SNX29: variants seen among roughly 807,000 people sequenced by gnomAD.
The protein encoded by SNX29 is sorting nexin 29.
SNX29 carries 78 observed loss-of-function variants against 102.1 expected under a neutral mutation model. The observed-to-expected ratio is 0.76, with a 90% CI of 0.64 to 0.92. The LOEUF (loss-of-function observed/expected upper bound fraction) is 0.92. Ranked by LOEUF, SNX29 falls within the 40% of genes least tolerant of loss-of-function variation. The pLI is 0.00. For synonymous variants in SNX29, 580 were observed against 414.5 expected (o/e 1.40, Z -4.85); for missense variants, 1,280 against 1,061.7 (o/e 1.21, Z -2.86).
In SNX29 at chr16:12,562,665, G is replaced by A. The variant is rs191824704; in HGVS notation, c.2319-5841G>A. ...TGAGGGGCTGTTTTATGTCGGGAAA[G>A]TCTAGATTTACAGGCACTGCCTTCT... is the stretch of plus-strand genomic sequence containing the variant. On this transcript the variant is annotated intron_variant, in intron 20 of 20. Coordinates refer to ENST00000566228, the MANE Select transcript of SNX29 (RefSeq NM_032167.5). Among the ~76,000 whole-genome samples the A allele has an allele frequency of 1.6e-3, 240 of 152,304 alleles. 4 individuals carry two copies. The highest frequency in any genetic ancestry group is 9.3e-3 in the South Asian group (45 of 4,828).
intron 20 of SNX29, among the ~76,000 whole-genome samples, chr16:12,547,687 C>G (rs984382573): frequency 6.6e-6 from 1 of 152,106 alleles, no homozygotes; most frequent in Non-Finnish European, 1.5e-5. Context: ...AAACCTGGCC[C>G]CCGCGTTCCT....
At chr16:11,995,921 G>A (rs1300709053) in intron 1 of SNX29, among the ~76,000 whole-genome samples, 4 of 152,172 alleles carry the variant, frequency 2.6e-5, no homozygotes, top group African/African-American at 4.8e-5. Flanking sequence ...TTAGCCGGGC[G>A]TGGTGGTGCG....
rs144091396 is a variant in SNX29, at chr16:12,416,872, C to G, written c.2037+13343C>G. Reference sequence around the variant, plus strand: ...TCTGCCCCATGCCCCAGACACCTCCCACTAGGCCCACCTCCAGCTTCAGGG... The same window carrying G: ...TCTGCCCCATGCCCCAGACACCTCCGACTAGGCCCACCTCCAGCTTCAGGG... On this transcript the variant is annotated intron_variant, in intron 18 of 20. Transcript: ENST00000566228. Among the ~76,000 whole-genome samples, 181 of 152,346 alleles carry G rather than the reference C, an allele frequency of 1.2e-3. 1 individual carries two copies. The highest frequency in any genetic ancestry group is 4.2e-3 in the African/African-American group (174 of 41,572).
rs761139832 is a variant in SNX29 at position 12,061,695 on chromosome 16, G to T, written c.1243+49G>T. 6.6e-6 allele frequency: 10 copies of T among 1,507,120 alleles called. No homozygotes were observed. The East Asian group carries it at 2.1e-4, about 32-fold the overall frequency. The allele number at this position is 1,507,120 out of a possible 1,614,324, so 93.4% of individuals were successfully genotyped here. A position where few individuals can be genotyped will look rare whatever the true frequency, so the allele number is the denominator to read the frequency against. On this transcript the variant is annotated intron_variant, in intron 9 of 20. Coordinates refer to ENST00000566228, the MANE Select transcript of SNX29 (RefSeq NM_032167.5). Reference sequence around the variant, plus strand: ...TTCCTCCAATAAGAGCTTTGGCTTCGAGAACCAGCAGGAATGTCTGAGTTC... The same window carrying T: ...TTCCTCCAATAAGAGCTTTGGCTTCTAGAACCAGCAGGAATGTCTGAGTTC...
At chr16:12,294,895 T>TAA (rs547137501) in intron 15 of SNX29, among the ~76,000 whole-genome samples, 5 of 148,780 alleles carry the variant, frequency 3.4e-5, no homozygotes, top group Admixed American at 1.3e-4. Flanking sequence ...GTAATTTATT[T>TAA]AAAAAAAAAA....
At chr16:12,365,358 G>GTGTGTGTGTGTGTA (rs1485263456) in intron 16 of SNX29, among the ~76,000 whole-genome samples, 104 of 150,468 alleles carry the variant, frequency 6.9e-4, no homozygotes, top group East Asian at 6.6e-3. Context: ...GTGTGTGTGT[G>GTGTGTGTGTGTGTA]TGTGTGTTTA....
chr16:12,058,651 G>A (rs554238791), intron 8 of SNX29, among the ~76,000 whole-genome samples: 128 of 150,960 alleles, frequency 8.5e-4, no homozygotes, highest in African/African-American at 2.7e-3. Context: ...CCACCACCAC[G>A]CCCTGCTAAG....
intron 18 of SNX29, among the ~76,000 whole-genome samples, chr16:12,461,396 G>T (rs959283525): frequency 6.6e-6 from 1 of 152,166 alleles, no homozygotes; most frequent in Non-Finnish European, 1.5e-5. Flanking sequence ...GTAGAGGCAC[G>T]TTTGGCTTCC....
At chr16:12,168,229 A>G (rs1047533979) in intron 13 of SNX29, among the ~76,000 whole-genome samples, 1 of 152,186 alleles carries the variant, frequency 6.6e-6, no homozygotes, top group African/African-American at 2.4e-5. Context: ...GCGGGGATCC[A>G]GGCAGTTTCG....
intron 13 of SNX29, among the ~76,000 whole-genome samples, chr16:12,188,965 G>A (rs1180906359): frequency 1.3e-5 from 2 of 152,174 alleles, no homozygotes; most frequent in Admixed American, 1.3e-4. Flanking sequence ...AGCAATAATC[G>A]TTATGATTGT....
At chr16:12,491,824 C>T (rs1405382635) in intron 19 of SNX29, among the ~76,000 whole-genome samples, 3 of 152,140 alleles carry the variant, frequency 2.0e-5, no homozygotes, top group Non-Finnish European at 4.4e-5. Context: ...ATGGTGGTTT[C>T]CAGCTTCATC....
At chr16:12,188,743 C>T (rs1197734109) in intron 13 of SNX29, among the ~76,000 whole-genome samples, 1 of 152,234 alleles carries the variant, frequency 6.6e-6, no homozygotes, top group South Asian at 2.1e-4. Context: ...AAGCTTTTTA[C>T]AGCTCCATTT....
chr16:12,181,908 G>C (rs1008432040), intron 13 of SNX29, among the ~76,000 whole-genome samples: 1 of 151,054 alleles, frequency 6.6e-6, no homozygotes, highest in Non-Finnish European at 1.5e-5. Flanking sequence ...TCTGGAGACG[G>C]AGTCTCACTC....
intron 4 of SNX29, among the ~76,000 whole-genome samples, chr16:12,028,390 G>A (rs1187914325): frequency 6.6e-6 from 1 of 152,086 alleles, no homozygotes; most frequent in South Asian, 2.1e-4. Context: ...TAGAGTTGGG[G>A]TCTTGCTCTG....
intron 14 of SNX29, among the ~76,000 whole-genome samples, chr16:12,232,208 T>G (rs1331034440): frequency 1.3e-5 from 2 of 152,190 alleles, no homozygotes; most frequent in Non-Finnish European, 2.9e-5. Context: ...GATGCATTTG[T>G]AGGCCATGTT....
At chr16:11,982,637 G>A (rs545858208) in intron 1 of SNX29, among the ~76,000 whole-genome samples, 2 of 151,980 alleles carry the variant, frequency 1.3e-5, no homozygotes, top group Non-Finnish European at 2.9e-5. Context: ...CACCATGTTA[G>A]CCAGGACGGT....
chr16:12,189,139 G>T lies in SNX29; in HGVS notation c.1596-10462G>T, dbSNP rs149342952. On this transcript the variant is annotated intron_variant, in intron 13 of 20. Coordinates refer to ENST00000566228, the MANE Select transcript of SNX29 (RefSeq NM_032167.5). Reference sequence around the variant, plus strand: ...TTTTACTTTTTAATTTTTCACCCCTGAGTCTGTTAATGTGTTTCCTACAAG... The same window carrying T: ...TTTTACTTTTTAATTTTTCACCCCTTAGTCTGTTAATGTGTTTCCTACAAG... Among the ~76,000 whole-genome samples, 410 of 152,214 alleles carry T rather than the reference G, an allele frequency of 2.7e-3. 2 individuals carry two copies. Among genetic ancestry groups the T allele is most frequent in the African/African-American group, 9.4e-3 (390 of 41,518 alleles).
chr16:12,414,487 C>G (rs2084542192), intron 18 of SNX29, among the ~76,000 whole-genome samples: 1 of 152,218 alleles, frequency 6.6e-6, no homozygotes, highest in South Asian at 2.1e-4. Flanking sequence ...ATCCCATCTT[C>G]ACCTCCACGG....
At chr16:12,546,953 C>T (rs982922740) in intron 20 of SNX29, among the ~76,000 whole-genome samples, 1 of 152,120 alleles carries the variant, frequency 6.6e-6, no homozygotes, top group South Asian at 2.1e-4. Context: ...AAATTCCCCA[C>T]CCCTCCATCC....
Sources: gnomAD v4.1 joint callset for allele counts (sites outside exome capture counted in the v4.1 genomes callset) on GRCh38, gnomAD v4.1.1 for gene constraint, MANE v1.5 for transcripts, NCBI Gene and HGNC (gene_info 2026-07-23, HGNC 2026-07-21) for gene names.